Variants in MORC4 observed in about 807,000 individuals in gnomAD.
MORC4 encodes MORC family CW-type zinc finger protein 4.
In MORC4, 22 loss-of-function variants were observed where a neutral mutation model predicts 65.5. That is an observed-to-expected ratio of 0.34 (90% confidence interval 0.24 to 0.48). The LOEUF (loss-of-function observed/expected upper bound fraction) is 0.48. MORC4 is among the 20% of genes least tolerant of loss of function. The pLI, the probability that MORC4 is intolerant of heterozygous loss-of-function variation, is 0.99. For synonymous variants in MORC4, 267 were observed against 255.8 expected, an observed-to-expected ratio of 1.04 and a Z score of -0.42; for missense variants, 624 against 703.0, an observed-to-expected ratio of 0.89 and a Z score of 1.27.
intron 14 of MORC4, among the ~76,000 whole-genome samples, chrX:106,945,697 A>G (rs759306502): frequency 1.8e-5 from 2 of 111,477 alleles, no homozygotes; most frequent in Admixed American, 9.6e-5. Context: ...TCACTCATTG[A>G]GTAGAGATTA....
intron 9 of MORC4, among the ~76,000 whole-genome samples, chrX:106,975,137 G>A (rs918882780): frequency 2.7e-5 from 3 of 111,468 alleles, no homozygotes; most frequent in African/African-American, 9.8e-5. Flanking sequence ...TAGACTTGGG[G>A]GGTTGGTGGC....
chrX:106,955,030 T>C lies in MORC4; in HGVS notation c.1568A>G (p.Lys523Arg), dbSNP rs761562654. ...TVQEMAGLNN[K>R]TIGYEGIHSP... ...ATGAATTCCCTCATATCCAATTGTCTTGTTATTCAATCCAGCCATTTCTTG... is the reference window on the plus strand; with the variant it reads ...ATGAATTCCCTCATATCCAATTGTCCTGTTATTCAATCCAGCCATTTCTTG... Residue 523 changes from lysine (K) to arginine (R), a missense_variant, in exon 14 of 17, where the codon AAG becomes AGG. Transcript: ENST00000355610. 7.5e-6 allele frequency: 9 copies of C among 1,205,747 alleles called. No individual in the cohort carries two copies. The highest frequency in any genetic ancestry group is 7.0e-5 in the African/African-American group (4 of 57,086).
In MORC4 at chrX:106,942,924, G is replaced by T. The variant is rs1933729422; in HGVS notation, c.1967C>A (p.Ser656Tyr). The T allele has an allele frequency of 8.3e-7, 1 of 1,211,674 alleles. No individual in the cohort carries two copies. Among genetic ancestry groups the T allele is most frequent in the Non-Finnish European group, 1.1e-6 (1 of 895,475 alleles). The change falls in exon 15 of 17, where the codon TCC becomes TAC. Residue 656 changes from serine to tyrosine, a missense_variant. Transcript: ENST00000355610. The stretch of plus-strand genomic sequence containing the variant: ...ATCTTCTAATTCTTCAGGAAGCAGG[G>T]ACCCCTGGCGTTGGTCTTTGGCCCC... ...YPGAKDQRQG[S>Y]LLPEELEDQM...
intron 9 of MORC4, 116 bp from the exon 10 acceptor site, chrX:106,962,226 G>A: frequency 1.9e-6 from 1 of 522,583 alleles, no homozygotes; most frequent in African/African-American, 2.3e-5. Context: ...GCATATTTTT[G>A]AACATCTACA....
intron 2 of MORC4, among the ~76,000 whole-genome samples, chrX:106,996,360 AAG>A (rs1935081749): frequency 9.1e-6 from 1 of 109,630 alleles, no homozygotes; most frequent in South Asian, 4.0e-4. Context: ...GCAGTAGGGA[AAG>A]AGAGATCAGT....
intron 3 of MORC4, among the ~76,000 whole-genome samples, chrX:106,987,940 A>G (rs974120239): frequency 2.7e-5 from 3 of 111,154 alleles, no homozygotes; most frequent in African/African-American, 9.8e-5. Flanking sequence ...GACTTATAAT[A>G]GTAAGATTCA....
At chrX:106,945,864 T>C (rs1933813907) in intron 14 of MORC4, among the ~76,000 whole-genome samples, 1 of 112,065 alleles carries the variant, frequency 8.9e-6, no homozygotes. Flanking sequence ...ACCATGTTTC[T>C]GCTCCTTCAA....
intron 10 of MORC4, among the ~76,000 whole-genome samples, chrX:106,961,592 C>T (rs900794442): frequency 1.8e-5 from 2 of 111,665 alleles, no homozygotes; most frequent in South Asian, 3.8e-4. Context: ...CTCTGTAAAA[C>T]GCACCAATCA....
chrX:106,980,245 A>G (rs1934712780), intron 7 of MORC4, among the ~76,000 whole-genome samples: 2 of 111,388 alleles, frequency 1.8e-5, no homozygotes, highest in Admixed American at 1.9e-4. Flanking sequence ...TCTGAAATCC[A>G]TTCTCAATGC....
intron 16 of MORC4, 97 bp from the exon 17 acceptor site, chrX:106,941,729 A>C: frequency 1.1e-6 from 1 of 932,464 alleles, no homozygotes; most frequent in Non-Finnish European, 1.5e-6. Context: ...CACATTTCTC[A>C]ACAGTTATGT....
chrX:106,995,951 G>C (rs1935071260), intron 2 of MORC4, among the ~76,000 whole-genome samples: 1 of 112,338 alleles, frequency 8.9e-6, no homozygotes, highest in South Asian at 3.7e-4. Context: ...TGTGACTGAT[G>C]ATACAACTTG....
intron 7 of MORC4, 75 bp downstream of exon 7, chrX:106,980,816 T>C (rs1934724244): frequency 9.6e-7 from 1 of 1,036,436 alleles, no homozygotes. Context: ...AGTTTTTGTT[T>C]TTCTGTGTCA....
chrX:106,969,116 CA>C (rs763720491), intron 9 of MORC4, among the ~76,000 whole-genome samples: 1 of 108,789 alleles, frequency 9.2e-6, no homozygotes, highest in Non-Finnish European at 2.0e-5. Context: ...AAATAAAACA[CA>C]AAAAACTCTC....
At chrX:106,953,842 G>C (rs947715825) in intron 14 of MORC4, among the ~76,000 whole-genome samples, 1 of 112,036 alleles carries the variant, frequency 8.9e-6, no homozygotes, top group Non-Finnish European at 1.9e-5. Context: ...TTCACTTCCC[G>C]GCTGGGTGTG....
chrX:106,947,571 TTATA>T lies in MORC4; in HGVS notation c.1686-4370_1686-4367del, dbSNP rs764069844. Among the ~76,000 whole-genome samples, 393 of 77,936 alleles carry T rather than the reference TTATA, an allele frequency of 5.0e-3. 2 individuals carry two copies. Among genetic ancestry groups the T allele is most frequent in the African/African-American group, 0.02 (379 of 19,365 alleles). 67.7% of individuals were successfully genotyped at this position (77,936 alleles called of 115,157 possible). On this transcript the variant is annotated intron_variant, in intron 14 of 16. Coordinates refer to ENST00000355610, the MANE Select transcript of MORC4 (RefSeq NM_024657.5). ...CCTGTAGTTAATCTATATATATATA[TTATA>T]TATATATATATATATAATATATATA... is the stretch of plus-strand genomic sequence containing the variant.
At chrX:106,990,809 T>C (rs2087469837) in intron 3 of MORC4, among the ~76,000 whole-genome samples, 1 of 110,951 alleles carries the variant, frequency 9.0e-6, no homozygotes. Context: ...GAGGGGCAGG[T>C]TGCAATGAGC....
In MORC4 at chrX:106,946,557, A is replaced by G. The variant is rs762807714; in HGVS notation, c.1686-3352T>C. Among the ~76,000 whole-genome samples, 5 of 112,144 alleles carry G rather than the reference A, an allele frequency of 4.5e-5. No homozygotes were observed. The East Asian group carries it at 8.4e-4, about 19-fold the overall frequency. Reference sequence around the variant, plus strand: ...GTTGATAGTTATTTAAATTGCATCCACTTTTTGGCTACCATAAATGATGCT... The same window carrying G: ...GTTGATAGTTATTTAAATTGCATCCGCTTTTTGGCTACCATAAATGATGCT... On this transcript the variant is annotated intron_variant, in intron 14 of 16. Coordinates refer to ENST00000355610, the MANE Select transcript of MORC4 (RefSeq NM_024657.5).
chrX:106,942,132 C>T lies in MORC4; in HGVS notation c.2466G>A (p.Ala822=), dbSNP rs939817559. Residue 822 remains alanine (A), a synonymous_variant, in exon 16 of 17, where the codon GCG becomes GCA. Coordinates refer to ENST00000355610, the MANE Select transcript of MORC4 (RefSeq NM_024657.5). The part of the protein sequence containing the change: ...HELVIYSTQE[A]EGLYWSKKHM... ...GTTTCTTGCTCCAGTACAAGCCTTCCGCCTCCTGGGTACTGTAGATCACCA... is the reference window on the plus strand; with the variant it reads ...GTTTCTTGCTCCAGTACAAGCCTTCTGCCTCCTGGGTACTGTAGATCACCA... The T allele has an allele frequency of 3.1e-5, 37 of 1,209,195 alleles. No individual in the cohort carries two copies. Among genetic ancestry groups the T allele is most frequent in the Middle Eastern group, 2.3e-4 (1 of 4,353 alleles).
chrX:106,976,828 T>C (rs771774069), intron 8 of MORC4, 144 bp from the exon 9 acceptor site: 1 of 411,748 alleles, frequency 2.4e-6, no homozygotes, highest in Non-Finnish European at 4.3e-6. Context: ...ACACTTAGAA[T>C]GTACATCAAC....
Sources: allele counts gnomAD v4.1 joint callset (sites outside exome capture counted in the v4.1 genomes callset), GRCh38; gene constraint gnomAD v4.1.1; transcripts MANE v1.5; gene names NCBI Gene and HGNC (gene_info 2026-07-23, HGNC 2026-07-21).